The following CFAP299 variants were observed in gnomAD, a reference collection of about 807,000 sequenced individuals.
CFAP299 encodes cilia- and flagella-associated protein 299.
Under a neutral mutation model 27.0 loss-of-function variants are expected in CFAP299, and 21 were observed. The ratio of observed to expected loss-of-function variants is 0.78; its 90% CI spans 0.55 to 1.12. The LOEUF (loss-of-function observed/expected upper bound fraction) is 1.12. Among genes scored for constraint, CFAP299 ranks in the 50% most tolerant of loss-of-function variants. The pLI is 0.00. For synonymous variants in CFAP299, 104 were observed against 98.1 expected (o/e 1.06, Z -0.36); for missense variants, 310 against 276.6 (o/e 1.12, Z -0.86).
chr4:80,938,598 G>A (rs926527523), intron 4 of CFAP299, among the ~76,000 whole-genome samples: 1 of 152,196 alleles, frequency 6.6e-6, no homozygotes, highest in Admixed American at 6.6e-5. Flanking sequence ...TGGAGGCTGT[G>A]AGACCCCTGA....
At chr4:80,799,676 TATTTATA>T (rs2110106174) in intron 3 of CFAP299, among the ~76,000 whole-genome samples, 1 of 39,882 alleles carries the variant, frequency 2.5e-5, no homozygotes, top group African/African-American at 1.2e-4. Context: ...TATAAATATA[TATTTATA>T]AATATATAAT....
chr4:80,906,048 T>C (rs1735167218), intron 4 of CFAP299, among the ~76,000 whole-genome samples: 1 of 152,182 alleles, frequency 6.6e-6, no homozygotes, highest in Non-Finnish European at 1.5e-5. Flanking sequence ...GCAAGGCCCT[T>C]CCACCTATGA....
At chr4:80,940,125 T>C (rs1451756097) in intron 4 of CFAP299, among the ~76,000 whole-genome samples, 1 of 152,046 alleles carries the variant, frequency 6.6e-6, no homozygotes, top group Non-Finnish European at 1.5e-5. Context: ...ACACTGCAGA[T>C]GAGGTTTTCC....
At chr4:80,658,239 A>T (rs1323622792) in intron 3 of CFAP299, among the ~76,000 whole-genome samples, 1 of 152,108 alleles carries the variant, frequency 6.6e-6, no homozygotes, top group African/African-American at 2.4e-5. Flanking sequence ...ATCTTGCCTG[A>T]TTGCCCTGGC....
At chr4:80,386,520 G>C (rs1354157184) in intron 2 of CFAP299, 15 of 1,177,218 alleles carry the variant, frequency 1.3e-5, no homozygotes, top group Admixed American at 5.3e-5. Flanking sequence ...GGTGGGGGGG[G>C]GGGGTGCCGC....
intron 3 of CFAP299, among the ~76,000 whole-genome samples, chr4:80,602,381 A>G (rs1424197403): frequency 2.6e-5 from 4 of 152,184 alleles, no homozygotes; most frequent in African/African-American, 9.6e-5. Context: ...AAGAAATAAC[A>G]TAATAAAATT....
chr4:80,346,754 G>A (rs928943644), intron 1 of CFAP299, among the ~76,000 whole-genome samples: 1 of 152,088 alleles, frequency 6.6e-6, no homozygotes, highest in Non-Finnish European at 1.5e-5. Flanking sequence ...TTGGCGATGC[G>A]GGCTCTTTTT....
chr4:80,727,538 A>T (rs1013331671), intron 3 of CFAP299, among the ~76,000 whole-genome samples: 35 of 152,128 alleles, frequency 2.3e-4, no homozygotes, highest in African/African-American at 8.2e-4. Flanking sequence ...TCATGATTCC[A>T]CCACTGTCTT....
intron 3 of CFAP299, among the ~76,000 whole-genome samples, chr4:80,772,903 T>C (rs1726303543): frequency 6.6e-6 from 1 of 152,186 alleles, no homozygotes; most frequent in Non-Finnish European, 1.5e-5. Flanking sequence ...TAAAGACACA[T>C]GCACACATAT....
At chr4:80,370,482 G>T (rs1056909824) in intron 2 of CFAP299, among the ~76,000 whole-genome samples, 5 of 152,170 alleles carry the variant, frequency 3.3e-5, no homozygotes, top group African/African-American at 1.2e-4. Context: ...AACAAGGCTA[G>T]TCCCTTTTGC....
intron 4 of CFAP299, among the ~76,000 whole-genome samples, chr4:80,929,835 G>T (rs1736518187): frequency 6.6e-6 from 1 of 152,112 alleles, no homozygotes; most frequent in African/African-American, 2.4e-5. Flanking sequence ...AAGGCCTTCT[G>T]AGATCTGTTC....
chr4:80,710,482 T>TC (rs1722081260), intron 3 of CFAP299, among the ~76,000 whole-genome samples: 1 of 119,856 alleles, frequency 8.3e-6, no homozygotes, highest in Non-Finnish European at 1.7e-5. Flanking sequence ...TTTTTCTTTT[T>TC]CTTTTTTTTT....
At chr4:80,401,870 A>G (rs1230482753) in intron 2 of CFAP299, among the ~76,000 whole-genome samples, 1 of 152,206 alleles carries the variant, frequency 6.6e-6, no homozygotes, top group Admixed American at 6.5e-5. Context: ...CTGCAAAGCC[A>G]CAGGGATGGA....
intron 2 of CFAP299, among the ~76,000 whole-genome samples, chr4:80,518,752 T>C (rs1262183517): frequency 6.6e-6 from 1 of 152,104 alleles, no homozygotes; most frequent in Non-Finnish European, 1.5e-5. Flanking sequence ...CCATCAGGTA[T>C]CCCTGCCTGG....
intron 2 of CFAP299, among the ~76,000 whole-genome samples, chr4:80,492,244 G>C (rs560268211): frequency 6.6e-6 from 1 of 152,102 alleles, no homozygotes; most frequent in South Asian, 2.1e-4. Flanking sequence ...GCTGTGCCCC[G>C]ACCACCTTGG....
intron 2 of CFAP299, among the ~76,000 whole-genome samples, chr4:80,372,398 A>G (rs183357006): frequency 2.6e-5 from 4 of 152,232 alleles, no homozygotes; most frequent in African/African-American, 9.6e-5. Flanking sequence ...TCGGGATGCA[A>G]CTTTGTATTG....
chr4:80,945,555 G>A (rs1737430880), intron 5 of CFAP299, among the ~76,000 whole-genome samples: 1 of 151,960 alleles, frequency 6.6e-6, no homozygotes, highest in South Asian at 2.1e-4. Context: ...CGGGATGAAA[G>A]TTAAAACTTT....
intron 3 of CFAP299, among the ~76,000 whole-genome samples, chr4:80,820,906 C>T (rs1170251951): frequency 6.6e-6 from 1 of 152,104 alleles, no homozygotes; most frequent in Non-Finnish European, 1.5e-5. Flanking sequence ...TTGGATAACA[C>T]AGATCATTAC....
intron 3 of CFAP299, among the ~76,000 whole-genome samples, chr4:80,639,452 G>A (rs1481184726): frequency 6.6e-6 from 1 of 152,120 alleles, no homozygotes; most frequent in Admixed American, 6.6e-5. Context: ...AATTTGTGAG[G>A]AATCCCATGC....
Sources: allele counts gnomAD v4.1 joint callset (sites outside exome capture counted in the v4.1 genomes callset), GRCh38; gene constraint gnomAD v4.1.1; transcripts MANE v1.5; gene names NCBI Gene and HGNC (gene_info 2026-07-23, HGNC 2026-07-21).